ATRNL1: variants seen among roughly 807,000 people sequenced by gnomAD.
ATRNL1 encodes attractin-like protein 1.
A neutral mutation model predicts 182.7 loss-of-function variants in ATRNL1; 95 were observed. The observed-to-expected ratio is 0.52, with a 90% CI of 0.44 to 0.62. ATRNL1 has a LOEUF of 0.62. Ranked by LOEUF, ATRNL1 falls within the 20% of genes least tolerant of loss-of-function variation. The pLI, the probability that ATRNL1 is intolerant of heterozygous loss-of-function variation, is 0.00. For synonymous variants in ATRNL1, 576 were observed against 568.3 expected, an observed-to-expected ratio of 1.01 and a Z score of -0.19; for missense variants, 1,471 against 1,679.5, an observed-to-expected ratio of 0.88 and a Z score of 2.17.
chr10:115,157,742 G>T (rs987056760), intron 5 of ATRNL1, among the ~76,000 whole-genome samples: 1 of 152,020 alleles, frequency 6.6e-6, no homozygotes, highest in East Asian at 1.9e-4. Context: ...TAATACATCT[G>T]TAAAGTTCCT....
At chr10:115,843,693 G>A (rs574211641) in intron 27 of ATRNL1, among the ~76,000 whole-genome samples, 1 of 152,210 alleles carries the variant, frequency 6.6e-6, no homozygotes, top group Non-Finnish European at 1.5e-5. Flanking sequence ...AGATGAGTAT[G>A]TAGGGAATGT....
At chr10:115,793,978 C>T (rs1949590073) in intron 27 of ATRNL1, among the ~76,000 whole-genome samples, 1 of 152,088 alleles carries the variant, frequency 6.6e-6, no homozygotes, top group Non-Finnish European at 1.5e-5. Flanking sequence ...CTTAGAAAAA[C>T]AAAGCTTTAT....
At chr10:115,283,142 G>A (rs561587296) in intron 14 of ATRNL1, among the ~76,000 whole-genome samples, 18 of 152,112 alleles carry the variant, frequency 1.2e-4, no homozygotes, top group South Asian at 2.1e-4. Context: ...GGTCAGGTAC[G>A]GTGTCTCACA....
At chr10:115,449,476 A>T (rs1847178786) in intron 21 of ATRNL1, among the ~76,000 whole-genome samples, 1 of 152,150 alleles carries the variant, frequency 6.6e-6, no homozygotes, top group Admixed American at 6.5e-5. Context: ...TTCTTCCTGG[A>T]TGCTGAACAA....
intron 25 of ATRNL1, among the ~76,000 whole-genome samples, chr10:115,524,885 T>C (rs1473427954): frequency 6.6e-6 from 1 of 152,208 alleles, no homozygotes; most frequent in Non-Finnish European, 1.5e-5. Context: ...CTGTGTCTAA[T>C]GGGAGTCAAT....
chr10:115,696,208 T>G (rs1946554763), intron 26 of ATRNL1, among the ~76,000 whole-genome samples: 2 of 152,222 alleles, frequency 1.3e-5, no homozygotes, highest in African/African-American at 4.8e-5. Flanking sequence ...CACAACATTT[T>G]CTTTATCCAG....
chr10:115,409,235 C>A (rs1845012498), intron 20 of ATRNL1, among the ~76,000 whole-genome samples: 1 of 152,022 alleles, frequency 6.6e-6, no homozygotes, highest in South Asian at 2.1e-4. Flanking sequence ...GCATTCTCCT[C>A]AATTTTATCA....
At chr10:115,656,710 G>A (rs528842542) in intron 26 of ATRNL1, among the ~76,000 whole-genome samples, 11 of 152,318 alleles carry the variant, frequency 7.2e-5, no homozygotes, top group African/African-American at 2.6e-4. Context: ...AGTAAATGAT[G>A]TGGTAGGAGA....
intron 28 of ATRNL1, among the ~76,000 whole-genome samples, chr10:115,926,239 T>C (rs1225692885): frequency 6.6e-6 from 1 of 152,120 alleles, no homozygotes; most frequent in East Asian, 1.9e-4. Flanking sequence ...TACCAGAATC[T>C]CTGAGACACA....
chr10:115,612,547 AAAAC>A (rs1190785396), intron 26 of ATRNL1, among the ~76,000 whole-genome samples: 2 of 152,334 alleles, frequency 1.3e-5, no homozygotes, highest in African/African-American at 4.8e-5. Context: ...AATTCGTTTT[AAAAC>A]AAACAAAATA....
chr10:115,473,592 A>G (rs146886988), intron 24 of ATRNL1, among the ~76,000 whole-genome samples: 235 of 151,392 alleles, frequency 1.6e-3, no homozygotes, highest in African/African-American at 5.5e-3. Context: ...GCCTTACAGC[A>G]TAAGTTCGGA....
intron 8 of ATRNL1, among the ~76,000 whole-genome samples, chr10:115,204,640 T>A (rs527696133): frequency 6.6e-6 from 1 of 152,268 alleles, no homozygotes; most frequent in South Asian, 2.1e-4. Flanking sequence ...TATATCCCAT[T>A]TTATCACAGT....
In ATRNL1 at chr10:115,592,352, GGT is replaced by G. The variant is rs782252695; in HGVS notation, c.3795+42819_3795+42820del. On this transcript the variant is annotated intron_variant, in intron 26 of 28. Coordinates refer to ENST00000355044, the MANE Select transcript of ATRNL1 (RefSeq NM_207303.4). The stretch of plus-strand genomic sequence containing the variant: ...AAACAAACAAGAGATCGCCAGTGAT[GGT>G]GTTTCTTGAAATATAATTCATACAC... Among the ~76,000 whole-genome samples the G allele has an allele frequency of 1.1e-3, 165 of 152,182 alleles. 3 individuals are homozygous for G. The highest frequency in any genetic ancestry group is 6.8e-3 in the Middle Eastern group (2 of 294).
intron 28 of ATRNL1, among the ~76,000 whole-genome samples, chr10:115,884,775 A>C (rs1951904225): frequency 6.6e-6 from 1 of 152,192 alleles, no homozygotes; most frequent in South Asian, 2.1e-4. Flanking sequence ...GGTACCTGGG[A>C]ATAGTGAATA....
chr10:115,638,088 A>G (rs1231507989), intron 26 of ATRNL1, among the ~76,000 whole-genome samples: 1 of 152,136 alleles, frequency 6.6e-6, no homozygotes, highest in Non-Finnish European at 1.5e-5. Flanking sequence ...TCACTCACTG[A>G]CACCAAGAAC....
intron 26 of ATRNL1, among the ~76,000 whole-genome samples, chr10:115,646,070 A>ACACACACACACACACAC (rs1555032301): frequency 5.8e-5 from 3 of 51,450 alleles, no homozygotes; most frequent in Non-Finnish European, 1.7e-4. Context: ...CACACACACA[A>ACACACACACACACACAC]ACATATATGC....
At chr10:115,294,410 G>T in intron 15 of ATRNL1, among the ~76,000 whole-genome samples, 1 of 152,128 alleles carries the variant, frequency 6.6e-6, no homozygotes, top group East Asian at 1.9e-4. Context: ...TTTATTCATT[G>T]AATTCTTCAG....
intron 24 of ATRNL1, among the ~76,000 whole-genome samples, chr10:115,485,388 T>G (rs141401507): frequency 6.6e-6 from 1 of 152,176 alleles, no homozygotes; most frequent in East Asian, 1.9e-4. Flanking sequence ...GTATTTATAA[T>G]GTAAACATGA....
chr10:115,708,333 C>T (rs1285764754), intron 26 of ATRNL1, among the ~76,000 whole-genome samples: 2 of 151,560 alleles, frequency 1.3e-5, no homozygotes, highest in Non-Finnish European at 3.0e-5. Context: ...TAGTAAGTCC[C>T]ATAATTGCTT....
Sources: gnomAD v4.1 joint callset for allele counts (sites outside exome capture counted in the v4.1 genomes callset) on GRCh38, gnomAD v4.1.1 for gene constraint, MANE v1.5 for transcripts, NCBI Gene and HGNC (gene_info 2026-07-23, HGNC 2026-07-21) for gene names.